Variants in LRRC49 observed in about 807,000 individuals in gnomAD.
LRRC49 encodes leucine-rich repeat-containing protein 49.
LRRC49 carries 50 observed loss-of-function variants against 83.3 expected under a neutral mutation model. That is an observed-to-expected ratio of 0.60 (90% CI 0.48 to 0.76). The LOEUF is 0.76. Among genes scored for constraint, LRRC49 ranks in the 30% least tolerant of loss-of-function variants. The pLI, the probability that LRRC49 is intolerant of heterozygous loss-of-function variation, is 0.00. For missense variants in LRRC49, 704 were observed against 809.1 expected, an observed-to-expected ratio of 0.87 and a Z score of 1.58; for synonymous variants, 286 against 283.3, an observed-to-expected ratio of 1.01 and a Z score of -0.10.
Position 71,053,005 on chromosome 15 carries a change from C to T in LRRC49, c.*3393C>T, listed in dbSNP as rs1008336398. The T allele has an allele frequency of 6.6e-6, 1 of 152,042 alleles. No homozygotes were observed. The highest frequency in any genetic ancestry group is 1.9e-4 in the East Asian group (1 of 5,186). The allele number at this position is 152,042 out of a possible 1,614,324, so 9.4% of individuals were successfully genotyped here. ...ATAAATACTAACAAATGTATAAGTACACATGTACAATATTGTGTATTATTT... is the reference window on the plus strand; with the variant it reads ...ATAAATACTAACAAATGTATAAGTATACATGTACAATATTGTGTATTATTT... On this transcript the variant is annotated 3_prime_UTR_variant, in exon 16 of 16. Coordinates refer to ENST00000260382, the MANE Select transcript of LRRC49 (RefSeq NM_017691.5).
chr15:70,890,818 G>T (rs1306241081), upstream of LRRC49, among the ~76,000 whole-genome samples: 3 of 152,168 alleles, frequency 2.0e-5, no homozygotes, highest in Non-Finnish European at 2.9e-5. Context: ...AGTATAGTAT[G>T]TCCAAGAACT....
chr15:71,032,271 C>T (rs1330460288), intron 14 of LRRC49, among the ~76,000 whole-genome samples: 1 of 152,104 alleles, frequency 6.6e-6, no homozygotes, highest in African/African-American at 2.4e-5. Context: ...TGAAGTGATG[C>T]CCCACCCTGC....
chr15:70,870,261 T>C (rs1176296789), intron 1 of LRRC49, among the ~76,000 whole-genome samples: 1 of 152,250 alleles, frequency 6.6e-6, no homozygotes, highest in Non-Finnish European at 1.5e-5. Context: ...GCAAATTGAA[T>C]TGGGAGGGAT....
intron 1 of LRRC49, among the ~76,000 whole-genome samples, chr15:70,871,944 C>T (rs1334045615): frequency 6.9e-6 from 1 of 145,558 alleles, no homozygotes; most frequent in African/African-American, 2.6e-5. Flanking sequence ...TCCTCACATC[C>T]CAGACGATGG....
intron 8 of LRRC49, among the ~76,000 whole-genome samples, 173 bp downstream of exon 8, chr15:70,936,995 G>A (rs1030342097): frequency 6.6e-6 from 1 of 152,210 alleles, no homozygotes; most frequent in African/African-American, 2.4e-5. Context: ...GTGTATTCTT[G>A]CCTGTAATGC....
chr15:70,905,949 G>A (rs770793680), intron 5 of LRRC49, among the ~76,000 whole-genome samples: 12 of 151,958 alleles, frequency 7.9e-5, no homozygotes, highest in South Asian at 2.1e-4. Context: ...TTATGGCCTC[G>A]GGGAGAAAGG....
chr15:70,853,798 G>T, intron 1 of LRRC49: 2 of 974,448 alleles, frequency 2.1e-6, no homozygotes, highest in Non-Finnish European at 2.6e-6. Context: ...CCCTCTGCCC[G>T]AGGAGTTGTC....
At chr15:70,932,375 A>T (rs1360718454) in intron 7 of LRRC49, among the ~76,000 whole-genome samples, 1 of 152,096 alleles carries the variant, frequency 6.6e-6, no homozygotes, top group African/African-American at 2.4e-5. Context: ...TCTTTTTTTT[A>T]AAAAGGAATA....
rs535196163 is a variant in LRRC49, at chr15:70,885,837, A to G, written c.19-7747A>G. On this transcript the variant is annotated intron_variant, in intron 2 of 16. Transcript: ENST00000544974. ...TTCCAAAAGGATATAGGAAATTTAA[A>G]CATGATTAATAGACATCAGTGGAAC... is the stretch of plus-strand genomic sequence containing the variant. Among the ~76,000 whole-genome samples, 4 of 152,346 alleles carry G rather than the reference A, an allele frequency of 2.6e-5. No individual in the cohort carries two copies. The South Asian group carries it at 8.3e-4, about 32-fold the overall frequency.
chr15:70,976,855 A>G (rs1457811196), intron 9 of LRRC49, among the ~76,000 whole-genome samples: 1 of 152,026 alleles, frequency 6.6e-6, no homozygotes, highest in African/African-American at 2.4e-5. Flanking sequence ...TTTTTTTCTA[A>G]GTTTAGTTAC....
At chr15:70,953,794 A>T (rs1190187210) in intron 8 of LRRC49, among the ~76,000 whole-genome samples, 1 of 151,772 alleles carries the variant, frequency 6.6e-6, no homozygotes, top group African/African-American at 2.4e-5. Context: ...CCTATTTCTC[A>T]GCTATTCTGT....
chr15:70,919,792 G>T (rs572683718), intron 7 of LRRC49, among the ~76,000 whole-genome samples: 2 of 152,130 alleles, frequency 1.3e-5, no homozygotes, highest in South Asian at 4.2e-4. Context: ...GTGTTTTTTG[G>T]TTTATTGACT....
intron 14 of LRRC49, among the ~76,000 whole-genome samples, chr15:71,015,024 G>A (rs2038779656): frequency 6.6e-6 from 1 of 152,074 alleles, no homozygotes; most frequent in Non-Finnish European, 1.5e-5. Flanking sequence ...ATCTCAAAAA[G>A]CATACTCATA....
intron 7 of LRRC49, among the ~76,000 whole-genome samples, chr15:70,936,270 T>G (rs984912851): frequency 6.6e-6 from 1 of 152,188 alleles, no homozygotes; most frequent in African/African-American, 2.4e-5. Flanking sequence ...ATTAGTGTAT[T>G]GGTTCATTTG....
In LRRC49 at chr15:70,984,127, C is replaced by G; in HGVS notation, c.1039C>G (p.Arg347Gly). The G allele has an allele frequency of 1.2e-6, 2 of 1,600,794 alleles. No homozygotes were observed. The highest frequency in any genetic ancestry group is 8.5e-7 in the Non-Finnish European group (1 of 1,174,434). The change falls in exon 11 of 16, where the codon CGA becomes GGA. Residue 347 changes from arginine to glycine, a missense_variant. Physicochemically the swap from Arg to Gly is moderately radical, Grantham distance 125 (BLOSUM62 -2). Around this residue, in one of 3 missense-constraint regions of LRRC49, gnomAD observed 168 missense variants for 140.6 expected, o/e 1.20. Transcript: ENST00000260382. ...AAGGTTAACAATTAACAACGTAGCT[C>G]GACAGTGGGACTTGCAACAACAACG... ...KKRLTINNVARQWDLQQQRVA... is the reference protein window; with the variant it reads ...KKRLTINNVAGQWDLQQQRVA...
chr15:71,007,189 A>G (rs2038487577), intron 11 of LRRC49, among the ~76,000 whole-genome samples: 1 of 152,040 alleles, frequency 6.6e-6, no homozygotes, highest in Non-Finnish European at 1.5e-5. Flanking sequence ...TATGATAAAC[A>G]ACAGGGCAGC....
At chr15:71,026,347 T>C (rs972753992) in intron 14 of LRRC49, among the ~76,000 whole-genome samples, 1 of 152,200 alleles carries the variant, frequency 6.6e-6, no homozygotes, top group Non-Finnish European at 1.5e-5. Context: ...TCCAAGTCTT[T>C]GCTATTATAA....
At chr15:70,912,759 C>T (rs2034600857) in intron 6 of LRRC49, among the ~76,000 whole-genome samples, 1 of 152,140 alleles carries the variant, frequency 6.6e-6, no homozygotes, top group Admixed American at 6.5e-5. Context: ...TCACTGCAAG[C>T]TCCGCCTCCC....
intron 9 of LRRC49, among the ~76,000 whole-genome samples, chr15:70,977,661 A>T (rs545718739): frequency 1.3e-4 from 20 of 152,192 alleles, no homozygotes; most frequent in African/African-American, 1.4e-4. Flanking sequence ...AAAAAATAAT[A>T]ATTATTATTA....
Sources: gnomAD v4.1 joint callset for allele counts (sites outside exome capture counted in the v4.1 genomes callset) on GRCh38, gnomAD v4.1.1 for gene constraint, gnomAD v4.1.1 regional missense constraint, MANE v1.5 for transcripts, NCBI Gene and HGNC (gene_info 2026-07-23, HGNC 2026-07-21) for gene names.